The following CDH11 variants were observed in gnomAD, a reference collection of about 807,000 sequenced individuals.
The protein encoded by CDH11 is cadherin 11.
CDH11 carries 11 observed loss-of-function variants against 67.8 expected under a neutral mutation model. That is an observed-to-expected ratio of 0.16 (90% CI 0.10 to 0.27). The LOEUF (loss-of-function observed/expected upper bound fraction) is 0.27, where lower values mean the gene tolerates loss of function less well. Ranked by LOEUF, CDH11 falls within the 10% of genes least tolerant of loss-of-function variation. The pLI is 1.00. For synonymous variants in CDH11, 419 were observed against 400.0 expected, an observed-to-expected ratio of 1.05 and a Z score of -0.57; for missense variants, 847 against 1,031.2, an observed-to-expected ratio of 0.82 and a Z score of 2.45.
chr16:64,964,942 A>G (rs963737343), intron 11 of CDH11, among the ~76,000 whole-genome samples: 4 of 152,104 alleles, frequency 2.6e-5, no homozygotes, highest in Non-Finnish European at 5.9e-5. Context: ...ACATGTGCAC[A>G]ACGTGCAGGT....
At chr16:65,112,910 C>T (rs562374388) in intron 1 of CDH11, among the ~76,000 whole-genome samples, 70 of 152,230 alleles carry the variant, frequency 4.6e-4, no homozygotes, top group African/African-American at 1.3e-3. Flanking sequence ...TATCAGAGGG[C>T]GCAGCTTTAC....
At chr16:65,031,012 G>C (rs1214255684) in intron 2 of CDH11, among the ~76,000 whole-genome samples, 2 of 152,160 alleles carry the variant, frequency 1.3e-5, no homozygotes, top group South Asian at 2.1e-4. Context: ...ATTAACTATG[G>C]TGCTAATTGA....
chr16:65,102,447 T>G (rs2075006977), intron 1 of CDH11, among the ~76,000 whole-genome samples: 1 of 152,242 alleles, frequency 6.6e-6, no homozygotes, highest in Admixed American at 6.5e-5. Context: ...GAGGAAACTC[T>G]TACTTTGGAG....
chr16:65,106,275 G>A (rs1327553529), intron 1 of CDH11, among the ~76,000 whole-genome samples: 1 of 152,138 alleles, frequency 6.6e-6, no homozygotes, highest in Non-Finnish European at 1.5e-5. Flanking sequence ...GTTCCTTCTT[G>A]TTAACAGTGA....
Position 64,946,133 on chromosome 16 carries a change from A to G in CDH11, c.*1470T>C. The G allele has an allele frequency of 9.5e-7, 1 of 1,055,820 alleles. No individual in the cohort carries two copies. Among genetic ancestry groups the G allele is most frequent in the Non-Finnish European group, 1.1e-6 (1 of 873,284 alleles). 65.4% of individuals were successfully genotyped at this position (1,055,820 alleles called of 1,614,324 possible). On this transcript the variant is annotated 3_prime_UTR_variant, in exon 13 of 13. Transcript: ENST00000268603. ...TCATTCTGAGCTTACGGCCCCAAGC[A>G]TATTCTAAACAAAGCTTTTTTAAAT... is the stretch of plus-strand genomic sequence containing the variant.
chr16:65,070,293 G>A (rs912041000), intron 1 of CDH11, among the ~76,000 whole-genome samples: 10 of 152,208 alleles, frequency 6.6e-5, no homozygotes, highest in African/African-American at 2.4e-4. Context: ...CACTCCTCAT[G>A]TCCACAAAAG....
At chr16:65,044,852 T>C (rs2073927695) in intron 2 of CDH11, among the ~76,000 whole-genome samples, 1 of 152,134 alleles carries the variant, frequency 6.6e-6, no homozygotes, top group Admixed American at 6.5e-5. Context: ...GCTTGGGTTT[T>C]ATACTGAAGC....
intron 1 of CDH11, among the ~76,000 whole-genome samples, chr16:65,089,802 C>T (rs552498732): frequency 3.4e-4 from 51 of 152,210 alleles, no homozygotes; most frequent in African/African-American, 1.2e-3. Context: ...TTGCTAAATA[C>T]GAGTTATTTT....
At chr16:64,982,431 A>G (rs990051398) in intron 7 of CDH11, 130 bp from the exon 8 acceptor site, 4 of 708,974 alleles carry the variant, frequency 5.6e-6, no homozygotes, top group Non-Finnish European at 9.4e-6. Context: ...TCAATTTCCA[A>G]TTACCTGAGC....
intron 2 of CDH11, among the ~76,000 whole-genome samples, chr16:65,029,361 T>C (rs1344533598): frequency 1.3e-5 from 2 of 152,180 alleles, no homozygotes; most frequent in East Asian, 1.9e-4. Flanking sequence ...TACATAGTCG[T>C]TTTGTCGAAC....
intron 1 of CDH11, among the ~76,000 whole-genome samples, chr16:65,109,179 AG>A (rs1237479661): frequency 1.3e-5 from 2 of 152,162 alleles, no homozygotes; most frequent in African/African-American, 4.8e-5. Flanking sequence ...AATGGCTCCA[AG>A]AGTTCTGTTC....
intron 2 of CDH11, among the ~76,000 whole-genome samples, chr16:65,032,490 C>G (rs901369076): frequency 1.0e-4 from 15 of 149,448 alleles, no homozygotes; most frequent in African/African-American, 3.2e-4. Flanking sequence ...GAAAAAGAGA[C>G]AGAGAGAGAG....
At chr16:64,961,947 A>G (rs543803230) in intron 11 of CDH11, among the ~76,000 whole-genome samples, 3 of 152,316 alleles carry the variant, frequency 2.0e-5, no homozygotes, top group Admixed American at 6.5e-5. Flanking sequence ...AATACCCAGT[A>G]TGATGTTTAA....
chr16:64,951,943 C>A (rs1164753641), intron 11 of CDH11, among the ~76,000 whole-genome samples: 1 of 152,178 alleles, frequency 6.6e-6, no homozygotes, highest in Non-Finnish European at 1.5e-5. Flanking sequence ...CAAAACACAG[C>A]GCACCTCTGC....
chr16:65,104,576 T>C (rs1334678004), intron 1 of CDH11, among the ~76,000 whole-genome samples: 2 of 152,156 alleles, frequency 1.3e-5, no homozygotes, highest in Non-Finnish European at 2.9e-5. Context: ...GCATGTAATA[T>C]ACACATGGAC....
At chr16:65,044,085 T>C (rs1359773884) in intron 2 of CDH11, among the ~76,000 whole-genome samples, 1 of 152,150 alleles carries the variant, frequency 6.6e-6, no homozygotes, top group African/African-American at 2.4e-5. Flanking sequence ...TGAGCAGCAT[T>C]AGCCTAAGAG....
At chr16:65,000,119 G>A (rs964094423) in intron 3 of CDH11, among the ~76,000 whole-genome samples, 2 of 152,172 alleles carry the variant, frequency 1.3e-5, no homozygotes, top group African/African-American at 4.8e-5. Flanking sequence ...CTTTGACAGA[G>A]CTTAGAGATA....
At chr16:65,122,278 G>A, upstream of CDH11, 3 of 386,216 alleles carry the variant, frequency 7.8e-6, no homozygotes, top group Non-Finnish European at 1.4e-5. Flanking sequence ...CCCCCCAGGG[G>A]CCCAGAGATG....
chr16:65,110,381 G>T (rs1252125677), intron 1 of CDH11, among the ~76,000 whole-genome samples: 1 of 152,118 alleles, frequency 6.6e-6, no homozygotes, highest in Non-Finnish European at 1.5e-5. Context: ...TAGACTCTGG[G>T]CAGCACAGTC....
Sources: gnomAD v4.1 joint callset for allele counts (sites outside exome capture counted in the v4.1 genomes callset) on GRCh38, gnomAD v4.1.1 for gene constraint, MANE v1.5 for transcripts, NCBI Gene and HGNC (gene_info 2026-07-23, HGNC 2026-07-21) for gene names.